The following SYT1 variants were observed in gnomAD, a reference collection of about 807,000 sequenced individuals.
SYT1 encodes the protein synaptotagmin-1.
In SYT1, 8 loss-of-function variants were observed where a neutral mutation model predicts 44.8. The observed-to-expected ratio is 0.18, with a 90% CI of 0.10 to 0.32. The LOEUF (loss-of-function observed/expected upper bound fraction) is 0.32, where lower values mean the gene tolerates loss of function less well. SYT1 is among the 10% of genes least tolerant of loss of function. The pLI, the probability that SYT1 is intolerant of heterozygous loss-of-function variation, is 1.00. For synonymous variants in SYT1, 154 were observed against 188.8 expected, an observed-to-expected ratio of 0.82 and a Z score of 1.51; for missense variants, 286 against 509.3, an observed-to-expected ratio of 0.56 and a Z score of 4.22.
Position 79,091,241 on chromosome 12 carries a change from C to A in SYT1, c.-18+43879C>A, listed in dbSNP as rs528534053. On this transcript the variant is annotated intron_variant, in intron 3 of 10. Transcript: ENST00000261205. ...ATAACTGTGGAAAATTTGCTTTAGA[C>A]ATTTTGAGATAAGACATTAGCAAAG... Among the ~76,000 whole-genome samples the A allele has an allele frequency of 2.8e-4, 43 of 151,916 alleles. No individual in the cohort carries two copies. In the South Asian group the frequency reaches 5.4e-3, roughly 19 times the overall value.
chr12:79,314,581 A>C (rs1880989720), intron 8 of SYT1, among the ~76,000 whole-genome samples: 1 of 152,236 alleles, frequency 6.6e-6, no homozygotes, highest in Non-Finnish European at 1.5e-5. Flanking sequence ...AAGTGTTGGC[A>C]AAGATGTGAA....
intron 3 of SYT1, among the ~76,000 whole-genome samples, chr12:79,169,149 C>T (rs907657068): frequency 1.3e-5 from 2 of 152,030 alleles, no homozygotes; most frequent in Admixed American, 6.6e-5. Flanking sequence ...ATCCTAAGAA[C>T]ACTTTACAGA....
intron 4 of SYT1, among the ~76,000 whole-genome samples, chr12:79,253,273 TA>T (rs775842567): frequency 5.1e-4 from 77 of 152,192 alleles, no homozygotes; most frequent in Admixed American, 3.5e-3. Context: ...TCCCCAAAGC[TA>T]CGCTCACTCT....
intron 3 of SYT1, among the ~76,000 whole-genome samples, chr12:79,128,007 A>G (rs1057126073): frequency 6.6e-6 from 1 of 152,190 alleles, no homozygotes; most frequent in Non-Finnish European, 1.5e-5. Flanking sequence ...CAGTCATAAT[A>G]TAGATGAGTG....
intron 1 of SYT1, among the ~76,000 whole-genome samples, chr12:78,873,245 A>C (rs1475009628): frequency 6.6e-6 from 1 of 151,666 alleles, no homozygotes; most frequent in Admixed American, 6.6e-5. Flanking sequence ...CTCAGCACTT[A>C]ATAAAGCAGG....
intron 9 of SYT1, among the ~76,000 whole-genome samples, chr12:79,382,877 AT>A (rs1884283934): frequency 6.6e-6 from 1 of 152,220 alleles, no homozygotes; most frequent in Non-Finnish European, 1.5e-5. Context: ...AAAGGCAGGC[AT>A]TTCTTGACTG....
At chr12:79,251,513 CA>C (rs1233670088) in intron 4 of SYT1, among the ~76,000 whole-genome samples, 1 of 152,166 alleles carries the variant, frequency 6.6e-6, no homozygotes, top group Non-Finnish European at 1.5e-5. Flanking sequence ...GCGCAGGTAG[CA>C]AAATAGTCTT....
intron 1 of SYT1, among the ~76,000 whole-genome samples, chr12:78,945,632 C>T (rs1043797854): frequency 2.6e-5 from 4 of 152,068 alleles, no homozygotes; most frequent in Non-Finnish European, 5.9e-5. Context: ...CTCCTTGAAT[C>T]ATCAGTCTTT....
At chr12:79,356,568 G>A (rs1204623753) in intron 9 of SYT1, among the ~76,000 whole-genome samples, 1 of 152,090 alleles carries the variant, frequency 6.6e-6, no homozygotes, top group Non-Finnish European at 1.5e-5. Context: ...CTATGTACGA[G>A]GAGACCAAAA....
intron 1 of SYT1, among the ~76,000 whole-genome samples, chr12:78,947,360 A>G (rs1878716760): frequency 6.6e-6 from 1 of 152,106 alleles, no homozygotes; most frequent in African/African-American, 2.4e-5. Flanking sequence ...AGGCTAGATT[A>G]TGTGCGCATC....
chr12:79,241,936 A>G (rs1876540054), intron 4 of SYT1, among the ~76,000 whole-genome samples: 1 of 152,208 alleles, frequency 6.6e-6, no homozygotes, highest in Non-Finnish European at 1.5e-5. Flanking sequence ...GCCATGTGGC[A>G]ATGGAGGCAG....
chr12:79,315,655 G>A (rs1356462558), intron 8 of SYT1, among the ~76,000 whole-genome samples: 1 of 152,160 alleles, frequency 6.6e-6, no homozygotes, highest in Admixed American at 6.5e-5. Flanking sequence ...GATATTCGCT[G>A]AAAATATTCT....
chr12:78,953,865 GC>G (rs1418756360), intron 1 of SYT1, among the ~76,000 whole-genome samples: 1 of 151,938 alleles, frequency 6.6e-6, no homozygotes, highest in Non-Finnish European at 1.5e-5. Flanking sequence ...TTTGCTTTGG[GC>G]CCTTAGCCAG....
intron 3 of SYT1, among the ~76,000 whole-genome samples, chr12:79,211,079 C>A (rs900123152): frequency 5.9e-5 from 9 of 151,718 alleles, no homozygotes; most frequent in Admixed American, 1.3e-4. Flanking sequence ...AGAATGTAGA[C>A]ATATAGGGGA....
intron 1 of SYT1, among the ~76,000 whole-genome samples, chr12:78,942,787 GT>G (rs1258130259): frequency 6.6e-6 from 1 of 152,126 alleles, no homozygotes; most frequent in Non-Finnish European, 1.5e-5. Context: ...CACTTTTCCT[GT>G]ACTTCCAGGC....
At position 79,451,301 on chromosome 12, in the gene SYT1, G is replaced by A. The variant is rs1395959408; in HGVS notation, c.*2177G>A. 1 of 152,148 alleles carries A rather than the reference G, an allele frequency of 6.6e-6. No homozygotes were observed. Among genetic ancestry groups the A allele is most frequent in the Non-Finnish European group, 1.5e-5 (1 of 68,006 alleles). 9.4% of individuals were successfully genotyped at this position (152,148 alleles called of 1,614,324 possible). Reference sequence around the variant, plus strand: ...CATAGGTAATAGAAAATATACACAAGTCAGAATGTGAAATTAAATAATGGT... The same window carrying A: ...CATAGGTAATAGAAAATATACACAAATCAGAATGTGAAATTAAATAATGGT... On this transcript the variant is annotated 3_prime_UTR_variant, in exon 11 of 11. Transcript: ENST00000261205.
intron 3 of SYT1, among the ~76,000 whole-genome samples, chr12:79,217,010 GAAT>G: frequency 6.6e-6 from 1 of 152,110 alleles, no homozygotes; most frequent in African/African-American, 2.4e-5. Flanking sequence ...TCAATATTAT[GAAT>G]AATATTACTT....
intron 4 of SYT1, among the ~76,000 whole-genome samples, chr12:79,238,567 G>A (rs191134288): frequency 3.9e-5 from 6 of 152,176 alleles, no homozygotes; most frequent in Non-Finnish European, 1.5e-5. Flanking sequence ...TCCATAAGAG[G>A]ACAAGTAGAA....
At chr12:79,297,087 G>A (rs971590333) in intron 7 of SYT1, among the ~76,000 whole-genome samples, 1 of 152,112 alleles carries the variant, frequency 6.6e-6, no homozygotes, top group Non-Finnish European at 1.5e-5. Context: ...CAAACATTCT[G>A]GGATGAAATA....
Sources: allele counts gnomAD v4.1 joint callset (sites outside exome capture counted in the v4.1 genomes callset), GRCh38; gene constraint gnomAD v4.1.1; transcripts MANE v1.5; gene names NCBI Gene and HGNC (gene_info 2026-07-23, HGNC 2026-07-21).